Variants in ADAMTS17 observed in about 807,000 individuals in gnomAD.
ADAMTS17 encodes the protein A disintegrin and metalloproteinase with thrombospondin motifs 17.
ADAMTS17 carries 113 observed loss-of-function variants against 141.5 expected under a neutral mutation model. The ratio of observed to expected loss-of-function variants is 0.80; its 90% CI spans 0.69 to 0.93. The LOEUF (loss-of-function observed/expected upper bound fraction) is 0.93. Ranked by LOEUF, ADAMTS17 falls within the 40% of genes least tolerant of loss-of-function variation. The pLI is 0.00. For synonymous variants in ADAMTS17, 768 were observed against 630.6 expected, an observed-to-expected ratio of 1.22 and a Z score of -3.27; for missense variants, 1,659 against 1,517.9, an observed-to-expected ratio of 1.09 and a Z score of -1.54.
intron 4 of ADAMTS17, among the ~76,000 whole-genome samples, chr15:100,271,586 T>G (rs59199256): frequency 1.9e-4 from 2 of 10,506 alleles, no homozygotes; most frequent in Admixed American, 3.6e-3. Context: ...AATTGAATTG[T>G]TTTTTTTTTT....
intron 18 of ADAMTS17, among the ~76,000 whole-genome samples, chr15:100,024,828 C>A (rs749315865): frequency 1.3e-5 from 2 of 152,166 alleles, no homozygotes; most frequent in African/African-American, 4.8e-5. Flanking sequence ...TGTTCCCTGC[C>A]GGTCAATGTT....
intron 4 of ADAMTS17, among the ~76,000 whole-genome samples, chr15:100,269,513 C>T (rs926959322): frequency 6.6e-6 from 1 of 152,170 alleles, no homozygotes; most frequent in Non-Finnish European, 1.5e-5. Flanking sequence ...GAAAACTGCT[C>T]CCAGGAGGTG....
Position 100,196,547 on chromosome 15 carries a change from C to A in ADAMTS17, c.1181+2771G>T, listed in dbSNP as rs182566541. Among the ~76,000 whole-genome samples, 597 of 152,388 alleles carry A rather than the reference C, an allele frequency of 3.9e-3. 9 individuals carry two copies. Among genetic ancestry groups the A allele is most frequent in the African/African-American group, 0.013 (546 of 41,592 alleles). ...TTTGCGTGCTGTGTGCAAAGGCACA[C>A]ACGCACATACCTTCCCTCCAGAAAT... On this transcript the variant is annotated intron_variant, in intron 8 of 21. Transcript: ENST00000268070.
chr15:100,326,685 G>A (rs771104856), intron 3 of ADAMTS17, among the ~76,000 whole-genome samples: 62 of 152,168 alleles, frequency 4.1e-4, no homozygotes, highest in Admixed American at 3.9e-3. Context: ...TGGCACCTAC[G>A]CTCTTTATGG....
intron 18 of ADAMTS17, among the ~76,000 whole-genome samples, chr15:100,043,439 C>T (rs1417610056): frequency 6.6e-6 from 1 of 152,140 alleles, no homozygotes; most frequent in East Asian, 1.9e-4. Context: ...TCTAACACGT[C>T]CTCCTTTGTA....
intron 7 of ADAMTS17, among the ~76,000 whole-genome samples, chr15:100,234,483 C>T (rs892017007): frequency 9.9e-5 from 15 of 152,186 alleles, no homozygotes; most frequent in Non-Finnish European, 2.2e-4. Flanking sequence ...CACTCTGTGA[C>T]CTGTCTCATT....
rs560246995 is a variant in ADAMTS17, at chr15:100,212,722, T to C, written c.1076-13299A>G. ...TGATAACCAAAAATGCTTTGTAGAA[T>C]GTGCTTTTCGTTGCCAGATCTCAAC... On this transcript the variant is annotated intron_variant, in intron 7 of 21. Coordinates refer to ENST00000268070, the MANE Select transcript of ADAMTS17 (RefSeq NM_139057.4). 6.8e-4 allele frequency among the ~76,000 whole-genome samples: 104 copies of C among 152,268 alleles called. 1 individual carries two copies. The highest frequency in any genetic ancestry group is 2.5e-3 in the African/African-American group (102 of 41,536).
intron 1 of ADAMTS17, 147 bp downstream of exon 1, chr15:100,341,674 C>T (rs2046370931): frequency 8.3e-6 from 9 of 1,083,420 alleles, no homozygotes; most frequent in Non-Finnish European, 1.1e-5. Flanking sequence ...ACCCGATTCC[C>T]GTACTCCGGC....
chr15:100,207,167 TATAAAA>T (rs1302569270), intron 7 of ADAMTS17, among the ~76,000 whole-genome samples: 3 of 152,070 alleles, frequency 2.0e-5, no homozygotes, highest in Non-Finnish European at 4.4e-5. Flanking sequence ...TCTGGGTCCT[TATAAAA>T]AGAAGAAGAG....
chr15:99,987,345 T>C (rs1318673440), intron 20 of ADAMTS17, among the ~76,000 whole-genome samples: 1 of 152,196 alleles, frequency 6.6e-6, no homozygotes, highest in Admixed American at 6.5e-5. Flanking sequence ...CTGCGGTGTT[T>C]GCCTCCCAAG....
chr15:99,974,514 C>A lies in ADAMTS17; in HGVS notation c.3176G>T (p.Arg1059Leu), dbSNP rs745497667. 1 of 1,614,198 alleles carries A rather than the reference C, an allele frequency of 6.2e-7. No homozygotes were observed. The highest frequency in any genetic ancestry group is 8.5e-7 in the Non-Finnish European group (1 of 1,180,024). ...CTRDQWTVYCRVIREKNLCQD... is the reference protein window; with the variant it reads ...CTRDQWTVYCLVIREKNLCQD... ...GCAGAGGTTCTTTTCTCGGATGACC[C>A]GGCAATATACCGTCCACTGGTCTCG... The change falls in exon 22 of 22, where the codon CGG becomes CTG. Residue 1059 changes from arginine to leucine, a missense_variant. Transcript: ENST00000268070.
intron 10 of ADAMTS17, among the ~76,000 whole-genome samples, chr15:100,149,311 C>G (rs935703004): frequency 3.9e-5 from 6 of 152,128 alleles, no homozygotes; most frequent in African/African-American, 1.2e-4. Context: ...CATTTTCTTC[C>G]CCAAAAGAGC....
In ADAMTS17 at chr15:99,997,556, C is replaced by T. The variant is rs780077915; in HGVS notation, c.2625G>A (p.Ala875=). The T allele has an allele frequency of 1.1e-5, 18 of 1,613,506 alleles. No homozygotes were observed. Among genetic ancestry groups the T allele is most frequent in the Admixed American group, 8.3e-5 (5 of 60,024 alleles). ...GGTGCTGGAAGCCTTTCTCACAGGT[C>T]GCCGAGCAGGGGCTCCACGGGCCTG... The part of the protein sequence containing the change: ...WVAGPWSPCS[A]TCEKGFQHRE... The change falls in exon 19 of 22, where the codon GCG becomes GCA. Residue 875 remains alanine (A), a synonymous_variant. Transcript: ENST00000268070. This position sits in a 1 kb window ranked among gnomAD's most constrained non-coding sequence, Gnocchi z 4.7.
chr15:100,274,144 A>C (rs539044426), intron 4 of ADAMTS17, among the ~76,000 whole-genome samples: 2 of 152,266 alleles, frequency 1.3e-5, no homozygotes, highest in Admixed American at 1.3e-4. Flanking sequence ...GAGGAAAAAA[A>C]AGTCTTCCAT....
intron 20 of ADAMTS17, among the ~76,000 whole-genome samples, chr15:99,987,779 G>T (rs1047235390): frequency 3.9e-5 from 6 of 152,164 alleles, no homozygotes; most frequent in African/African-American, 7.2e-5. Context: ...GGGAAAACGG[G>T]CAAGTTTCTC....
At chr15:100,003,228 T>A (rs905520411) in intron 18 of ADAMTS17, among the ~76,000 whole-genome samples, 1 of 152,090 alleles carries the variant, frequency 6.6e-6, no homozygotes, top group Non-Finnish European at 1.5e-5. Flanking sequence ...CAGCCCTTGC[T>A]CCACGCCCTT....
chr15:100,176,694 T>TC (rs1472712517), intron 8 of ADAMTS17, among the ~76,000 whole-genome samples: 3 of 142,814 alleles, frequency 2.1e-5, no homozygotes, highest in African/African-American at 7.9e-5. Flanking sequence ...CACGTGTGTA[T>TC]CTTTGTGTAA....
chr15:100,334,009 G>T (rs2046132467), intron 2 of ADAMTS17, among the ~76,000 whole-genome samples: 1 of 152,170 alleles, frequency 6.6e-6, no homozygotes, highest in Non-Finnish European at 1.5e-5. Context: ...TATAAGTGTG[G>T]CTCAAATAAA....
At chr15:100,315,971 C>A (rs1265801582) in intron 3 of ADAMTS17, among the ~76,000 whole-genome samples, 1 of 152,216 alleles carries the variant, frequency 6.6e-6, no homozygotes, top group Non-Finnish European at 1.5e-5. Context: ...TGAACACTCC[C>A]GAGGAAATCT....
Sources: gnomAD v4.1 joint callset for allele counts (sites outside exome capture counted in the v4.1 genomes callset) on GRCh38, gnomAD v4.1.1 for gene constraint, Gnocchi (gnomAD v3.1) non-coding constraint, MANE v1.5 for transcripts, NCBI Gene and HGNC (gene_info 2026-07-23, HGNC 2026-07-21) for gene names.